The following AGT variants were observed in gnomAD, a reference collection of about 807,000 sequenced individuals.
AGT encodes the protein angiotensinogen.
A neutral mutation model predicts 28.1 loss-of-function variants in AGT; 26 were observed. That is an observed-to-expected ratio of 0.92 (90% CI 0.68 to 1.28). AGT has a LOEUF of 1.28. AGT is among the 50% of genes most tolerant of loss of function. AGT has a pLI of 0.00. For missense variants in AGT, 596 were observed against 592.3 expected, an observed-to-expected ratio of 1.01 and a Z score of -0.06; for synonymous variants, 259 against 259.6, an observed-to-expected ratio of 1.00 and a Z score of 0.02.
intron 2 of AGT, among the ~76,000 whole-genome samples, chr1:230,707,164 C>T (rs1663410968): frequency 6.6e-6 from 1 of 152,294 alleles, no homozygotes; most frequent in South Asian, 2.1e-4. Flanking sequence ...TCGGGAGAGC[C>T]CGTTGTGGGA....
At chr1:230,730,913 TATTCATCCACTGA>T (rs1342284215) in intron 1 of AGT, among the ~76,000 whole-genome samples, 6 of 152,254 alleles carry the variant, frequency 3.9e-5, no homozygotes, top group Non-Finnish European at 7.3e-5. Context: ...TTGAGCTATG[TATTCATCCACTGA>T]AACTGCTTGC....
At chr1:230,740,902 G>A (rs1346576184) in intron 1 of AGT, among the ~76,000 whole-genome samples, 6 of 152,112 alleles carry the variant, frequency 3.9e-5, no homozygotes, top group African/African-American at 1.2e-4. Flanking sequence ...AGCCAAGATC[G>A]CACCACTGCA....
intron 1 of AGT, among the ~76,000 whole-genome samples, chr1:230,744,471 G>A (rs1439894596): frequency 6.6e-6 from 1 of 152,170 alleles, no homozygotes; most frequent in Admixed American, 6.5e-5. Context: ...TGGGCAGGAA[G>A]AATGATGAGG....
At chr1:230,729,043 T>C (rs1187708987) in intron 1 of AGT, among the ~76,000 whole-genome samples, 1 of 152,228 alleles carries the variant, frequency 6.6e-6, no homozygotes. Flanking sequence ...CAGGTACCCA[T>C]GCAGTTAACT....
intron 1 of AGT, among the ~76,000 whole-genome samples, chr1:230,742,036 A>T (rs549748208): frequency 6.6e-6 from 1 of 152,278 alleles, no homozygotes; most frequent in East Asian, 1.9e-4. Flanking sequence ...AGCCTGAGTG[A>T]CAGAGCAAGA....
chr1:230,711,868 C>T (rs921471214), intron 1 of AGT, among the ~76,000 whole-genome samples: 1 of 150,966 alleles, frequency 6.6e-6, no homozygotes, highest in African/African-American at 2.4e-5. Context: ...GATATGTAAG[C>T]AGGGTTTAGA....
Position 230,710,407 on chromosome 1 carries a change from C to T in AGT, c.417G>A (p.Leu139=). The T allele has an allele frequency of 1.2e-6, 2 of 1,614,212 alleles. No individual in the cohort carries two copies. The highest frequency in any genetic ancestry group is 2.7e-5 in the African/African-American group (2 of 75,072). ...TGTCAGCTGTGTGGTCCAAGGCTCC[C>T]AGATAGAGAGAGGCCAGGGTGCCAA... The part of the protein sequence containing the change: ...AVFGTLASLY[L]GALDHTADRL... Residue 139 remains leucine, a synonymous_variant, in exon 2 of 5, where the codon CTG becomes CTA. Transcript: ENST00000366667.
intron 1 of AGT, among the ~76,000 whole-genome samples, chr1:230,711,058 G>A (rs1451406433): frequency 6.6e-6 from 1 of 152,188 alleles, no homozygotes; most frequent in East Asian, 1.9e-4. Flanking sequence ...ACCAATATCA[G>A]CTGAATTATG....
intron 1 of AGT, among the ~76,000 whole-genome samples, chr1:230,733,106 A>T (rs1664096911): frequency 6.6e-6 from 1 of 151,522 alleles, no homozygotes; most frequent in South Asian, 2.1e-4. Context: ...ACATGGAGAA[A>T]CCTCATCTCT....
intron 1 of AGT, among the ~76,000 whole-genome samples, chr1:230,713,619 C>A (rs762760906): frequency 1.3e-5 from 2 of 152,194 alleles, no homozygotes; most frequent in African/African-American, 2.4e-5. Context: ...GAGATGGTGA[C>A]CAGCCTGATG....
Position 230,737,426 on chromosome 1 carries a change from C to T in AGT, c.-31+8089G>A, listed in dbSNP as rs532931443. Among the ~76,000 whole-genome samples the T allele has an allele frequency of 1.1e-4, 17 of 152,182 alleles. No homozygotes were observed. In the South Asian group the frequency reaches 3.5e-3, roughly 32 times the overall value. On this transcript the variant is annotated intron_variant, in intron 1 of 4. Coordinates refer to the AGT transcript ENST00000681269. ...TCCCAGGTTCAAGCGATTCCCTGGC[C>T]CCAGCTTCCTGAGTAGCTGAGAATA...
chr1:230,704,851 G>A (rs1398087223), intron 3 of AGT, among the ~76,000 whole-genome samples: 1 of 152,204 alleles, frequency 6.6e-6, no homozygotes, highest in Non-Finnish European at 1.5e-5. Flanking sequence ...GACATTTCCA[G>A]TGATGTATCA....
In AGT at chr1:230,709,988, G is replaced by A. The variant is rs1406195611; in HGVS notation, c.829+7C>T. 6.8e-6 allele frequency: 11 copies of A among 1,614,170 alleles called. No homozygotes were observed. The highest frequency in any genetic ancestry group is 9.3e-6 in the Non-Finnish European group (11 of 1,180,036). ...AGGGCCAGAGCCAGCAGAGAGGTTT[G>A]CCTTACCTTGGAAGTGGACGTAGGT... is the stretch of plus-strand genomic sequence containing the variant. On this transcript the variant is annotated splice_region_variant and intron_variant, in intron 2 of 4. Coordinates refer to ENST00000366667, the MANE Select transcript of AGT (RefSeq NM_001384479.1).
intron 1 of AGT, among the ~76,000 whole-genome samples, chr1:230,743,744 C>T (rs1664291377): frequency 6.6e-6 from 1 of 152,256 alleles, no homozygotes; most frequent in South Asian, 2.1e-4. Context: ...AGGTCATCTC[C>T]CTGCACCCAT....
chr1:230,735,144 G>C (rs1664135671), intron 1 of AGT, among the ~76,000 whole-genome samples: 1 of 152,156 alleles, frequency 6.6e-6, no homozygotes. Flanking sequence ...CCTCCTGCAG[G>C]AGAACATTGT....
chr1:230,724,801 G>A (rs1343323518), intron 1 of AGT, among the ~76,000 whole-genome samples: 1 of 152,146 alleles, frequency 6.6e-6, no homozygotes, highest in Non-Finnish European at 1.5e-5. Flanking sequence ...ACTTCAGTCC[G>A]GGTAACAGAG....
At chr1:230,724,850 G>C (rs7548604) in intron 1 of AGT, among the ~76,000 whole-genome samples, 24,672 of 152,008 alleles carry the variant, frequency 0.16, 2,645 homozygotes, top group East Asian at 0.49. Context: ...ACAGAATATT[G>C]CTGGCAAAAT....
At chr1:230,705,457 C>T (rs796630537) in intron 3 of AGT, among the ~76,000 whole-genome samples, 14 of 152,276 alleles carry the variant, frequency 9.2e-5, no homozygotes, top group African/African-American at 2.6e-4. Context: ...CCCACCCAGC[C>T]GCCAGCCGCC....
chr1:230,724,939 T>A (rs918471155), intron 1 of AGT, among the ~76,000 whole-genome samples: 2 of 152,164 alleles, frequency 1.3e-5, no homozygotes, highest in Non-Finnish European at 2.9e-5. Flanking sequence ...AAACTTTGGA[T>A]CTGGCCATAA....
Sources: allele counts gnomAD v4.1 joint callset (sites outside exome capture counted in the v4.1 genomes callset), GRCh38; gene constraint gnomAD v4.1.1; transcripts MANE v1.5; gene names NCBI Gene and HGNC (gene_info 2026-07-23, HGNC 2026-07-21).